GNB5: variants seen among roughly 807,000 people sequenced by gnomAD.
The protein encoded by GNB5 is G protein subunit beta 5, also known as guanine nucleotide-binding protein subunit beta-5.
A neutral mutation model predicts 55.3 loss-of-function variants in GNB5; 37 were observed. The observed-to-expected ratio is 0.67, with a 90% CI of 0.51 to 0.88. The LOEUF (loss-of-function observed/expected upper bound fraction) is 0.88. GNB5 is among the 40% of genes least tolerant of loss of function. GNB5 has a pLI of 0.00. For synonymous variants in GNB5, 219 were observed against 198.5 expected (o/e 1.10, Z -0.87); for missense variants, 476 against 515.3 (o/e 0.92, Z 0.74).
chr15:52,185,753 T>TTATTATTA lies in GNB5; in HGVS notation c.-18-1060_-18-1059insTAATAATA, dbSNP rs1555409558. Among the ~76,000 whole-genome samples the TTATTATTA allele has an allele frequency of 2.2e-3, 297 of 136,704 alleles. 2 individuals are homozygous for TTATTATTA. The highest frequency in any genetic ancestry group is 0.012 in the Admixed American group (163 of 13,452). 89.7% of individuals were successfully genotyped at this position (136,704 alleles called of 152,430 possible). On this transcript the variant is annotated intron_variant, in intron 1 of 12. Coordinates refer to ENST00000261837, the MANE Select transcript of GNB5 (RefSeq NM_016194.4). The stretch of plus-strand genomic sequence containing the variant: ...CCACTTTGAGCTGTGTATTCATCTT[T>TTATTATTA]TTATTATTATTATTATTATTATTAT...
rs1049184418 is a variant in GNB5, at chr15:52,120,765, T to C, written c.*1992A>G. 9 of 152,232 alleles carry C rather than the reference T, an allele frequency of 5.9e-5. No homozygotes were observed. Among genetic ancestry groups the C allele is most frequent in the Admixed American group, 1.3e-4 (2 of 15,274 alleles). The allele number at this position is 152,232 out of a possible 1,614,324, so 9.4% of individuals were successfully genotyped here. The stretch of plus-strand genomic sequence containing the variant: ...GACCCCTTCAGCACCTGGCAGGAGC[T>C]GGCCAGACACTGGGCCCATTTCCTG... On this transcript the variant is annotated 3_prime_UTR_variant, in exon 13 of 13. Transcript: ENST00000261837.
chr15:52,162,048 A>G (rs1297975727), intron 3 of GNB5, among the ~76,000 whole-genome samples: 1 of 152,124 alleles, frequency 6.6e-6, no homozygotes, highest in African/African-American at 2.4e-5. Flanking sequence ...CAAATATCAC[A>G]TCTACCCCTG....
In GNB5 at chr15:52,128,498, A is replaced by G; in HGVS notation, c.864-254T>C. 3 of 622,908 alleles carry G rather than the reference A, an allele frequency of 4.8e-6. No individual in the cohort carries two copies. In the South Asian group the frequency reaches 5.4e-5, roughly 11 times the overall value. 38.6% of individuals were successfully genotyped at this position (622,908 alleles called of 1,614,324 possible). A position where few individuals can be genotyped will look rare whatever the true frequency, so the allele number is the denominator to read the frequency against. ...ATATCAGGCACAGAACACAGAGTAG[A>G]CCCCCTATAAATATAGTTTCCCTCA... On this transcript the variant is annotated intron_variant, in intron 9 of 12. Coordinates refer to ENST00000261837, the MANE Select transcript of GNB5 (RefSeq NM_016194.4).
At position 52,184,542 on chromosome 15, in the gene GNB5, G is replaced by A. The variant is rs1459178778; in HGVS notation, c.126+9C>T. ...ACAGATAACTGAATTTTTTTTAAGT[G>A]GCACTTACAATTTCTGCACATGTTG... On this transcript the variant is annotated intron_variant, in intron 2 of 12. Transcript: ENST00000261837. The A allele has an allele frequency of 5.0e-6, 8 of 1,610,904 alleles. No individual in the cohort carries two copies. The highest frequency in any genetic ancestry group is 8.5e-7 in the Non-Finnish European group (1 of 1,178,004).
At chr15:52,154,182 G>T in intron 3 of GNB5, 106 bp from the exon 4 acceptor site, 1 of 999,648 alleles carries the variant, frequency 1.0e-6, no homozygotes, top group Non-Finnish European at 1.4e-6. Flanking sequence ...GGCCCCATGG[G>T]CTTCCTCCAT....
chr15:52,115,192 G>C lies in GNB5; in HGVS notation c.*7565C>G, dbSNP rs1211944891. On this transcript the variant is annotated 3_prime_UTR_variant, in exon 13 of 13. Coordinates refer to ENST00000261837, the MANE Select transcript of GNB5 (RefSeq NM_016194.4). ...GCAGCAAGAACATTGTTTTCTCTTA[G>C]ATTTGCAGTAGCTTTGGGGTAAATG... is the stretch of plus-strand genomic sequence containing the variant. 6.6e-6 allele frequency: 1 copy of C among 152,174 alleles called. No homozygotes were observed. The highest frequency in any genetic ancestry group is 1.5e-5 in the Non-Finnish European group (1 of 68,020). The allele number at this position is 152,174 out of a possible 1,614,324, so 9.4% of individuals were successfully genotyped here.
Position 52,117,102 on chromosome 15 carries a change from A to ATATATATATATATATATATATATTT in GNB5, c.*5654_*5655insAAATATATATATATATATATATATA. On this transcript the variant is annotated 3_prime_UTR_variant, in exon 13 of 13. Transcript: ENST00000261837. ...CCACGCCCAGCTAATATATATATAT[A>ATATATATATATATATATATATATTT]TTTTTTTTTAGTACAGACAGGGTTT... is the stretch of plus-strand genomic sequence containing the variant. The ATATATATATATATATATATATATTT allele has an allele frequency of 2.3e-5, 2 of 87,102 alleles. No homozygotes were observed. The highest frequency in any genetic ancestry group is 1.2e-4 in the Admixed American group (1 of 8,092). The allele number at this position is 87,102 out of a possible 1,614,324, so 5.4% of individuals were successfully genotyped here.
At chr15:52,181,641 CA>C (rs2034772648) in intron 2 of GNB5, among the ~76,000 whole-genome samples, 1 of 151,788 alleles carries the variant, frequency 6.6e-6, no homozygotes. Context: ...AAAAACAAAA[CA>C]AAAAAAGGTA....
intron 6 of GNB5, 195 bp downstream of exon 6, chr15:52,147,264 G>T: frequency 2.1e-6 from 1 of 474,108 alleles, no homozygotes; most frequent in Non-Finnish European, 3.8e-6. Flanking sequence ...CAGCCTCCCA[G>T]GTGGCTGGGA....
At chr15:52,149,478 C>T in intron 5 of GNB5, 1 of 439,362 alleles carries the variant, frequency 2.3e-6, no homozygotes, top group Middle Eastern at 6.0e-4. Flanking sequence ...CCTCATCTTC[C>T]CCACCCTCCA....
intron 3 of GNB5, among the ~76,000 whole-genome samples, chr15:52,156,798 A>C (rs1417406935): frequency 6.6e-6 from 1 of 152,206 alleles, no homozygotes; most frequent in Non-Finnish European, 1.5e-5. Context: ...GTGCTACATG[A>C]ATGTTCAATT....
At position 52,124,487 on chromosome 15, in the gene GNB5, C is replaced by T; in HGVS notation, c.1162G>A (p.Asp388Asn). The T allele has an allele frequency of 6.2e-7, 1 of 1,613,634 alleles. No individual in the cohort carries two copies. The highest frequency in any genetic ancestry group is 8.5e-7 in the Non-Finnish European group (1 of 1,179,602). Residue 388 changes from aspartate to asparagine, a missense_variant, in exon 12 of 13, where the codon GAT becomes AAT. Asp to Asn is a conservative substitution (Grantham distance 23, BLOSUM62 1). Transcript: ENST00000261837. Reference sequence around the variant, plus strand: ...ATCCCTCTTACTCTGAGGGTATGATCCCATGATCCAGAGCAGAAAGCAGTC... The same window carrying T: ...ATCCCTCTTACTCTGAGGGTATGATTCCATGATCCAGAGCAGAAAGCAGTC... Reference protein sequence around the residue: ...DGTAFCSGSWDHTLRVWA With the variant: ...DGTAFCSGSWNHTLRVWA
rs75251562 is a variant in GNB5 at position 52,141,329 on chromosome 15, T to C, written c.495-57A>G. 2,742 of 1,482,784 alleles carry C rather than the reference T, an allele frequency of 1.8e-3. 43 individuals carry two copies. The African/African-American group carries it at 0.035, about 19-fold the overall frequency. 91.9% of individuals were successfully genotyped at this position (1,482,784 alleles called of 1,614,324 possible). A position where few individuals can be genotyped will look rare whatever the true frequency, so the allele number is the denominator to read the frequency against. On this transcript the variant is annotated intron_variant, in intron 6 of 12. Transcript: ENST00000261837. ...AATGCAGAGTCACAGAATATGTGTC[T>C]ACTTTTCCAATCACATGAACTTTTC...
At chr15:52,128,814 C>A in intron 9 of GNB5, 1 of 446,110 alleles carries the variant, frequency 2.2e-6, no homozygotes. Flanking sequence ...ATTATTACTG[C>A]TATAGTCATT....
At chr15:52,166,894 A>T (rs2034461211) in intron 3 of GNB5, among the ~76,000 whole-genome samples, 1 of 152,152 alleles carries the variant, frequency 6.6e-6, no homozygotes, top group Admixed American at 6.5e-5. Flanking sequence ...TGAATCCAGG[A>T]GCTGGTTTTT....
intron 8 of GNB5, among the ~76,000 whole-genome samples, chr15:52,133,913 G>A (rs2033638842): frequency 1.3e-5 from 2 of 152,232 alleles, no homozygotes; most frequent in South Asian, 4.1e-4. Flanking sequence ...TGCCCAAATG[G>A]AGCAGCCGAG....
intron 7 of GNB5, chr15:52,136,932 A>G (rs1407129789): frequency 1.1e-5 from 5 of 445,920 alleles, no homozygotes; most frequent in Non-Finnish European, 4.4e-6. Context: ...TGCTGCAGAA[A>G]ATACCTGCTC....
At position 52,118,537 on chromosome 15, in the gene GNB5, A is replaced by G. The variant is rs1026839086; in HGVS notation, c.*4220T>C. ...AATACAATAAATATGGATAGATACA[A>G]TCCACAATGAGCAAGTTATTTGGGG... On this transcript the variant is annotated 3_prime_UTR_variant, in exon 13 of 13. Coordinates refer to ENST00000261837, the MANE Select transcript of GNB5 (RefSeq NM_016194.4). 1.3e-5 allele frequency: 2 copies of G among 152,128 alleles called. No individual in the cohort carries two copies. Among genetic ancestry groups the G allele is most frequent in the Admixed American group, 1.3e-4 (2 of 15,274 alleles). The allele number at this position is 152,128 out of a possible 1,614,324, so 9.4% of individuals were successfully genotyped here. A position where few individuals can be genotyped will look rare whatever the true frequency, so the allele number is the denominator to read the frequency against.
intron 7 of GNB5, chr15:52,136,970 G>A: frequency 6.6e-6 from 3 of 453,728 alleles, no homozygotes; most frequent in Non-Finnish European, 1.3e-5. Context: ...GAATCGATTA[G>A]ACAACTTACC....
Sources: allele counts gnomAD v4.1 joint callset (sites outside exome capture counted in the v4.1 genomes callset), GRCh38; gene constraint gnomAD v4.1.1; transcripts MANE v1.5; gene names NCBI Gene and HGNC (gene_info 2026-07-23, HGNC 2026-07-21).